The following PPP2CB variants were observed in gnomAD, a reference collection of about 807,000 sequenced individuals.
PPP2CB encodes the protein protein phosphatase 2 catalytic subunit beta.
Under a neutral mutation model 39.1 loss-of-function variants are expected in PPP2CB, and 18 were observed. That is an observed-to-expected ratio of 0.46 (90% confidence interval 0.32 to 0.68). The LOEUF is 0.68. Among genes scored for constraint, PPP2CB ranks in the 30% least tolerant of loss-of-function variants. PPP2CB has a pLI of 0.04. For missense variants in PPP2CB, 226 were observed against 396.9 expected (o/e 0.57, Z 3.66); for synonymous variants, 129 against 133.8 (o/e 0.96, Z 0.25).
Position 30,812,476 on chromosome 8 carries a change from C to T in PPP2CB, c.-55G>A, listed in dbSNP as rs1413331452. ...CCCCAGCCCGGCCGCCGCCCTCCCC[C>T]CTCCCCACCCGCCCCCGGCCCCGGC... On this transcript the variant is annotated 5_prime_UTR_variant, in exon 1 of 7. Transcript: ENST00000221138. 1.5e-6 allele frequency: 2 copies of T among 1,320,972 alleles called. No homozygotes were observed. Among genetic ancestry groups the T allele is most frequent in the African/African-American group, 1.5e-5 (1 of 64,966 alleles). 81.8% of individuals were successfully genotyped at this position (1,320,972 alleles called of 1,614,324 possible). A position where few individuals can be genotyped will look rare whatever the true frequency, so the allele number is the denominator to read the frequency against.
At chr8:30,791,865 TATATATGTGTGTGC>T (rs1019676129) in intron 5 of PPP2CB, among the ~76,000 whole-genome samples, 1 of 131,348 alleles carries the variant, frequency 7.6e-6, no homozygotes, top group African/African-American at 2.8e-5. Flanking sequence ...TGTATATATG[TATATATGTGTGTGC>T]ATATATGTAT....
At chr8:30,801,401 G>A (rs550702392) in intron 1 of PPP2CB, among the ~76,000 whole-genome samples, 16 of 151,962 alleles carry the variant, frequency 1.1e-4, no homozygotes, top group Non-Finnish European at 1.8e-4. Flanking sequence ...GCATGGTGGC[G>A]GGCGCCTGTA....
In PPP2CB at chr8:30,812,377, C is replaced by T. The variant is rs1299452035; in HGVS notation, c.45G>A (p.Glu15=). 1.2e-5 allele frequency: 18 copies of T among 1,562,338 alleles called. No individual in the cohort carries two copies. The highest frequency in any genetic ancestry group is 1.5e-5 in the Non-Finnish European group (17 of 1,151,324). Residue 15 remains glutamate (E), a synonymous_variant, in exon 1 of 7, where the codon GAG becomes GAA. Transcript: ENST00000221138. ...TCAGCTGCTTACACTCGTTCAGCTG[C>T]TCGACCCACTGGTCCAGCTCCTTGG... The part of the protein sequence containing the change: ...AFTKELDQWV[E]QLNECKQLNE...
At chr8:30,796,943 A>G (rs1413512260) in intron 3 of PPP2CB, among the ~76,000 whole-genome samples, 1 of 152,182 alleles carries the variant, frequency 6.6e-6, no homozygotes, top group African/African-American at 2.4e-5. Context: ...TCCTGGGCTG[A>G]AGAGATCCTC....
At chr8:30,810,051 T>C (rs1806798869) in intron 1 of PPP2CB, 1 of 152,228 alleles carries the variant, frequency 6.6e-6, no homozygotes, top group Non-Finnish European at 1.5e-5. Context: ...AATAATCTCT[T>C]TTGACAAATA....
chr8:30,795,453 T>C lies in PPP2CB; in HGVS notation c.487-1172A>G, dbSNP rs940960637. 4.6e-5 allele frequency among the ~76,000 whole-genome samples: 7 copies of C among 152,232 alleles called. No homozygotes were observed. In the East Asian group the frequency reaches 1.3e-3, roughly 29 times the overall value. ...TCTAATGTTTAGCTGATAGTACAAC[T>C]GGCGTTTCTTTATCCACTTAATATT... On this transcript the variant is annotated intron_variant, in intron 3 of 6. Coordinates refer to ENST00000221138, the MANE Select transcript of PPP2CB (RefSeq NM_001009552.2).
chr8:30,797,370 A>C (rs1368270433), intron 3 of PPP2CB, among the ~76,000 whole-genome samples: 1 of 152,194 alleles, frequency 6.6e-6, no homozygotes, highest in Admixed American at 6.5e-5. Context: ...ATTTACATAC[A>C]TATCTGAGAA....
chr8:30,804,803 T>C (rs967077348), intron 1 of PPP2CB, among the ~76,000 whole-genome samples: 1 of 152,178 alleles, frequency 6.6e-6, no homozygotes, highest in Non-Finnish European at 1.5e-5. Flanking sequence ...TGTTAGGGAC[T>C]GTGCCTTCTA....
At chr8:30,801,139 G>A (rs1438440143) in intron 1 of PPP2CB, among the ~76,000 whole-genome samples, 1 of 151,946 alleles carries the variant, frequency 6.6e-6, no homozygotes, top group Non-Finnish European at 1.5e-5. Context: ...GCTTGAGCTG[G>A]GGAGTTCAAG....
At chr8:30,792,013 C>T (rs985871976) in intron 5 of PPP2CB, among the ~76,000 whole-genome samples, 8 of 148,602 alleles carry the variant, frequency 5.4e-5, no homozygotes, top group Admixed American at 3.3e-4. Flanking sequence ...TACACACATA[C>T]ATGTGTGTAT....
In PPP2CB at chr8:30,797,773, A is replaced by C; in HGVS notation, c.313-19T>G. ...AACGCACCTGGAAGAAAAGGAGTAAAACCCATAGTAAAATCACATTTTTAC... is the reference window on the plus strand; with the variant it reads ...AACGCACCTGGAAGAAAAGGAGTAACACCCATAGTAAAATCACATTTTTAC... On this transcript the variant is annotated intron_variant, in intron 2 of 6. Transcript: ENST00000221138. 1 of 1,606,132 alleles carries C rather than the reference A, an allele frequency of 6.2e-7. No individual in the cohort carries two copies. Among genetic ancestry groups the C allele is most frequent in the South Asian group, 1.1e-5 (1 of 90,006 alleles).
chr8:30,800,655 C>G (rs867680861), intron 1 of PPP2CB, among the ~76,000 whole-genome samples: 10 of 152,028 alleles, frequency 6.6e-5, no homozygotes, highest in African/African-American at 2.4e-4. Context: ...GCAAAAGATC[C>G]CAGAATCAGG....
chr8:30,786,388 T>C (rs377637912), intron 6 of PPP2CB, 81 bp from the exon 7 acceptor site: 8 of 1,174,454 alleles, frequency 6.8e-6, no homozygotes, highest in Non-Finnish European at 7.3e-6. Flanking sequence ...GACACTGTAG[T>C]AGAAACAGCA....
intron 1 of PPP2CB, among the ~76,000 whole-genome samples, chr8:30,808,306 C>G (rs191275874): frequency 6.6e-6 from 1 of 152,106 alleles, no homozygotes; most frequent in Admixed American, 6.6e-5. Context: ...ACCATGTTGC[C>G]CGTGCTGGTC....
chr8:30,810,533 T>C (rs1328685760), intron 1 of PPP2CB, among the ~76,000 whole-genome samples: 1 of 152,230 alleles, frequency 6.6e-6, no homozygotes, highest in African/African-American at 2.4e-5. Flanking sequence ...AAGTCTGTAT[T>C]CTGATGCTCA....
intron 2 of PPP2CB, 131 bp from the exon 3 acceptor site, chr8:30,797,885 T>A (rs1806552874): frequency 3.4e-6 from 3 of 888,352 alleles, no homozygotes; most frequent in Non-Finnish European, 5.0e-6. Flanking sequence ...AATTTCAGTT[T>A]CAAAATAAAA....
At chr8:30,806,223 T>A (rs1199687726) in intron 1 of PPP2CB, among the ~76,000 whole-genome samples, 2 of 151,656 alleles carry the variant, frequency 1.3e-5, no homozygotes, top group African/African-American at 4.8e-5. Context: ...GATTTTTTTT[T>A]TTTTGTATTT....
intron 5 of PPP2CB, chr8:30,793,105 A>T (rs1157308960): frequency 6.6e-6 from 1 of 152,150 alleles, no homozygotes; most frequent in Non-Finnish European, 1.5e-5. Context: ...TGAGACAAGC[A>T]GATTTTAGGA....
At chr8:30,795,768 T>C (rs1806512644) in intron 3 of PPP2CB, among the ~76,000 whole-genome samples, 1 of 152,244 alleles carries the variant, frequency 6.6e-6, no homozygotes, top group Non-Finnish European at 1.5e-5. Flanking sequence ...TTTTAATAAC[T>C]GGTATTTTAC....
Sources: allele counts gnomAD v4.1 joint callset (sites outside exome capture counted in the v4.1 genomes callset), GRCh38; gene constraint gnomAD v4.1.1; transcripts MANE v1.5; gene names NCBI Gene and HGNC (gene_info 2026-07-23, HGNC 2026-07-21).